Variants in ERGIC2 observed in about 807,000 individuals in gnomAD.
ERGIC2 encodes the protein endoplasmic reticulum-Golgi intermediate compartment protein 2.
A neutral mutation model predicts 52.5 loss-of-function variants in ERGIC2; 31 were observed. That is an observed-to-expected ratio of 0.59 (90% confidence interval 0.44 to 0.80). The LOEUF is 0.80. Ranked by LOEUF, ERGIC2 falls within the 30% of genes least tolerant of loss-of-function variation. The pLI is 0.00. For missense variants in ERGIC2, 395 were observed against 455.2 expected, an observed-to-expected ratio of 0.87 and a Z score of 1.20; for synonymous variants, 129 against 140.6, an observed-to-expected ratio of 0.92 and a Z score of 0.58.
intron 5 of ERGIC2, among the ~76,000 whole-genome samples, chr12:29,363,474 T>C (rs538328510): frequency 4.6e-5 from 7 of 152,056 alleles, no homozygotes; most frequent in African/African-American, 1.2e-4. Context: ...CCTAAAAGCA[T>C]GGTTAAACAC....
intron 8 of ERGIC2, among the ~76,000 whole-genome samples, chr12:29,351,796 T>C (rs1004753061): frequency 6.6e-6 from 1 of 152,216 alleles, no homozygotes; most frequent in Admixed American, 6.5e-5. Context: ...AGCTTCATTT[T>C]CACGTTTTAT....
intron 10 of ERGIC2, 75 bp downstream of exon 10, chr12:29,349,003 TA>T: frequency 2.9e-6 from 2 of 695,248 alleles, no homozygotes; most frequent in Non-Finnish European, 4.9e-6. Context: ...AGGAAGACAT[TA>T]AAAATGTATT....
chr12:29,340,963 C>T lies in ERGIC2; in HGVS notation c.*193G>A, dbSNP rs371258352. ...TCGTTTAGCTGCATGATTTCTTCTA[C>T]GACATTTGTAACAGACACAACGTAT... On this transcript the variant is annotated 3_prime_UTR_variant, in exon 14 of 14. Transcript: ENST00000360150. 1.0e-5 allele frequency: 6 copies of T among 581,680 alleles called. No individual in the cohort carries two copies. Among genetic ancestry groups the T allele is most frequent in the African/African-American group, 5.7e-5 (3 of 52,580 alleles). 36.0% of individuals were successfully genotyped at this position (581,680 alleles called of 1,614,324 possible).
chr12:29,378,820 G>A (rs1323784082), intron 1 of ERGIC2, among the ~76,000 whole-genome samples: 1 of 152,090 alleles, frequency 6.6e-6, no homozygotes, highest in Non-Finnish European at 1.5e-5. Flanking sequence ...TGACAAGTGT[G>A]GAAAGATACT....
intron 4 of ERGIC2, among the ~76,000 whole-genome samples, chr12:29,368,004 C>T (rs2136875387): frequency 6.6e-6 from 1 of 151,770 alleles, no homozygotes; most frequent in East Asian, 1.9e-4. Context: ...CAAACATTTC[C>T]TCCAACTTTC....
At chr12:29,371,259 T>C (rs1940436073) in intron 2 of ERGIC2, among the ~76,000 whole-genome samples, 1 of 152,124 alleles carries the variant, frequency 6.6e-6, no homozygotes, top group Non-Finnish European at 1.5e-5. Flanking sequence ...GTCACATATT[T>C]AGGAAAGGGC....
intron 5 of ERGIC2, among the ~76,000 whole-genome samples, chr12:29,366,384 G>GT (rs1940362745): frequency 6.6e-6 from 1 of 151,890 alleles, no homozygotes; most frequent in African/African-American, 2.4e-5. Flanking sequence ...AAATAGAGGC[G>GT]TAAAGGAGGA....
chr12:29,363,820 G>A (rs927971246), intron 5 of ERGIC2, among the ~76,000 whole-genome samples: 2 of 142,400 alleles, frequency 1.4e-5, no homozygotes, highest in African/African-American at 2.5e-5. Context: ...ATAGCATCAG[G>A]CATCTCATAA....
chr12:29,361,404 T>C (rs1411159463), intron 6 of ERGIC2, among the ~76,000 whole-genome samples: 3 of 152,224 alleles, frequency 2.0e-5, no homozygotes, highest in Non-Finnish European at 4.4e-5. Flanking sequence ...ATGTAAATAG[T>C]TGATACCATT....
intron 8 of ERGIC2, 44 bp downstream of exon 8, chr12:29,356,338 T>C (rs1163305864): frequency 1.7e-6 from 2 of 1,198,426 alleles, no homozygotes; most frequent in Non-Finnish European, 2.5e-6. Flanking sequence ...TTAACCAAGC[T>C]CCAACTTTGT....
At chr12:29,353,653 T>C (rs890366941) in intron 8 of ERGIC2, among the ~76,000 whole-genome samples, 7 of 151,996 alleles carry the variant, frequency 4.6e-5, no homozygotes, top group African/African-American at 1.7e-4. Flanking sequence ...CTATACATTT[T>C]ACTTCAATGA....
At chr12:29,349,002 T>G in intron 10 of ERGIC2, 77 bp downstream of exon 10, 1 of 689,162 alleles carries the variant, frequency 1.5e-6, no homozygotes, top group East Asian at 3.0e-5. Flanking sequence ...TAGGAAGACA[T>G]TAAAAATGTA....
chr12:29,356,921 T>C (rs1940214364), intron 7 of ERGIC2, among the ~76,000 whole-genome samples: 1 of 152,106 alleles, frequency 6.6e-6, no homozygotes, highest in Non-Finnish European at 1.5e-5. Context: ...AAATCTTGTA[T>C]ATTTTTATTA....
chr12:29,360,975 AG>A (rs1940276802), intron 6 of ERGIC2, among the ~76,000 whole-genome samples: 2 of 152,218 alleles, frequency 1.3e-5, no homozygotes, highest in African/African-American at 4.8e-5. Context: ...GGCCGGGCAC[AG>A]TGGCTCATGC....
In ERGIC2 at chr12:29,365,653, A is replaced by G. The variant is rs1940350071; in HGVS notation, c.333+1224T>C. Among the ~76,000 whole-genome samples, 3 of 131,696 alleles carry G rather than the reference A, an allele frequency of 2.3e-5. No individual in the cohort carries two copies. In the South Asian group the frequency reaches 7.9e-4, roughly 35 times the overall value. 86.4% of individuals were successfully genotyped at this position (131,696 alleles called of 152,430 possible). ...CTCTTCAAAATGATAAACAAAAATA[A>G]GGTAAGAATGGCAGAAAATTAAAAA... is the stretch of plus-strand genomic sequence containing the variant. On this transcript the variant is annotated intron_variant, in intron 5 of 13. Transcript: ENST00000360150.
intron 12 of ERGIC2, 133 bp from the exon 13 acceptor site, chr12:29,341,949 C>G (rs1949843433): frequency 1.9e-6 from 1 of 517,924 alleles, no homozygotes; most frequent in Non-Finnish European, 3.5e-6. Flanking sequence ...TAAAAATAAT[C>G]AAGAAAGATT....
chr12:29,363,263 G>A (rs1940311095), intron 5 of ERGIC2, among the ~76,000 whole-genome samples: 1 of 152,064 alleles, frequency 6.6e-6, no homozygotes, highest in South Asian at 2.1e-4. Context: ...AGAAATAGCA[G>A]AATAGTAACT....
Position 29,378,700 on chromosome 12 carries a change from C to A in ERGIC2, c.-38+2415G>T, listed in dbSNP as rs1269678702. 2.0e-5 allele frequency among the ~76,000 whole-genome samples: 3 copies of A among 150,830 alleles called. No homozygotes were observed. The East Asian group carries it at 5.8e-4, about 29-fold the overall frequency. ...TTTACCCCAACATAATTCAAATAAA[C>A]CTAATGACATTCTAAGTGACAGAAA... On this transcript the variant is annotated intron_variant, in intron 1 of 13. Transcript: ENST00000360150.
intron 6 of ERGIC2, among the ~76,000 whole-genome samples, chr12:29,360,843 C>T (rs1940274918): frequency 6.6e-6 from 1 of 151,620 alleles, no homozygotes; most frequent in Non-Finnish European, 1.5e-5. Flanking sequence ...TTCCCTGGGC[C>T]ACACTGTAAG....
Sources: allele counts gnomAD v4.1 joint callset (sites outside exome capture counted in the v4.1 genomes callset), GRCh38; gene constraint gnomAD v4.1.1; transcripts MANE v1.5; gene names NCBI Gene and HGNC (gene_info 2026-07-23, HGNC 2026-07-21).